The following KIF1A variants were observed in gnomAD, a reference collection of about 807,000 sequenced individuals.
The protein encoded by KIF1A is kinesin family member 1A, also known as kinesin-like protein KIF1A.
A neutral mutation model predicts 227.3 loss-of-function variants in KIF1A; 46 were observed. That is an observed-to-expected ratio of 0.20 (90% CI 0.16 to 0.26). The LOEUF (loss-of-function observed/expected upper bound fraction) is 0.26, where lower values mean the gene tolerates loss of function less well. KIF1A is among the 10% of genes least tolerant of loss of function. The pLI is 1.00. For missense variants in KIF1A, 1,683 were observed against 2,485.9 expected, an observed-to-expected ratio of 0.68 and a Z score of 6.87; for synonymous variants, 1,022 against 1,012.8, an observed-to-expected ratio of 1.01 and a Z score of -0.17.
Position 240,758,386 on chromosome 2 carries a change from G to A in KIF1A, c.2556C>T (p.Arg852=), listed in dbSNP as rs1392771616. 6.2e-7 allele frequency: 1 copy of A among 1,612,680 alleles called. No individual in the cohort carries two copies. The highest frequency in any genetic ancestry group is 2.2e-5 in the East Asian group (1 of 44,826). Residue 852 remains arginine (R), a synonymous_variant, in exon 26 of 49, where the codon CGC becomes CGT. Coordinates refer to ENST00000498729, the MANE Select transcript of KIF1A (RefSeq NM_001244008.2). This position sits in a 1 kb window ranked among gnomAD's most constrained non-coding sequence, Gnocchi z 5.2. ...TGCCCACCAGCCGGAACCAGGGGAAGCGGTCATAGAAGGGGTCTCCGCCGG... is the reference window on the plus strand; with the variant it reads ...TGCCCACCAGCCGGAACCAGGGGAAACGGTCATAGAAGGGGTCTCCGCCGG... ...VVTGGDPFYD[R]FPWFRLVGSS...
intron 28 of KIF1A, among the ~76,000 whole-genome samples, chr2:240,750,049 G>A (rs1268710076): frequency 1.3e-5 from 2 of 152,252 alleles, no homozygotes; most frequent in East Asian, 3.8e-4. Flanking sequence ...GATCCAGGTG[G>A]TCTTGGGTCC....
At chr2:240,807,110 GTGTGTGTGTGTGTGTGTGTGTATA>G (rs1350434367) in intron 1 of KIF1A, among the ~76,000 whole-genome samples, 1 of 95,302 alleles carries the variant, frequency 1.0e-5, no homozygotes, top group African/African-American at 4.4e-5. Context: ...GTGTGTGTGT[GTGTGTGTGTGTGTGTGTGTGTATA>G]TATATATATA....
intron 28 of KIF1A, 91 bp from the exon 29 acceptor site, chr2:240,747,412 G>T: frequency 2.1e-6 from 2 of 948,524 alleles, no homozygotes; most frequent in Non-Finnish European, 3.3e-6. Context: ...CGCAGTCAAA[G>T]TGAGGGCACA....
chr2:240,792,643 G>A lies in KIF1A; in HGVS notation c.107-3331C>T, dbSNP rs564463211. ...GCCTTGAGCACCAGGTGTGAGGGCC[G>A]AGCTGAGCTGGCTCTTCCCAACGGA... On this transcript the variant is annotated intron_variant, in intron 2 of 48. Coordinates refer to ENST00000498729, the MANE Select transcript of KIF1A (RefSeq NM_001244008.2). This position sits in a 1 kb window ranked among gnomAD's most constrained non-coding sequence, Gnocchi z 4.5. Among the ~76,000 whole-genome samples, 14 of 152,290 alleles carry A rather than the reference G, an allele frequency of 9.2e-5. No individual in the cohort carries two copies. The highest frequency in any genetic ancestry group is 3.9e-4 in the East Asian group (2 of 5,174).
chr2:240,801,441 A>G, intron 1 of KIF1A, among the ~76,000 whole-genome samples: 1 of 152,266 alleles, frequency 6.6e-6, no homozygotes, highest in Non-Finnish European at 1.5e-5. Flanking sequence ...TAGAAAATTT[A>G]AAACAGATAA....
In KIF1A at chr2:240,730,292, ACCACTGATGGGTGC is replaced by A. The variant is rs568662059; in HGVS notation, c.4008-3366_4008-3353del. Among the ~76,000 whole-genome samples the A allele has an allele frequency of 5.6e-4, 86 of 152,312 alleles. 1 individual carries two copies. The highest frequency in any genetic ancestry group is 1.9e-3 in the African/African-American group (81 of 41,572). On this transcript the variant is annotated intron_variant, in intron 38 of 48. Coordinates refer to ENST00000498729, the MANE Select transcript of KIF1A (RefSeq NM_001244008.2). The stretch of plus-strand genomic sequence containing the variant: ...CGGGCTTGCAGGGCACAGCATGGGA[ACCACTGATGGGTGC>A]CCTGTGATCATACAGCAGGAAACCA...
intron 27 of KIF1A, among the ~76,000 whole-genome samples, chr2:240,754,488 C>T (rs1372525290): frequency 1.3e-5 from 2 of 152,238 alleles, no homozygotes; most frequent in Admixed American, 6.5e-5. Flanking sequence ...GAGCTGGGCC[C>T]GGAAGGTGCC....
In KIF1A at chr2:240,757,018, T is replaced by TTAGG. The variant is rs1367915061; in HGVS notation, c.2858+300_2858+301insCCTA. On this transcript the variant is annotated intron_variant, in intron 27 of 48. Coordinates refer to ENST00000498729, the MANE Select transcript of KIF1A (RefSeq NM_001244008.2). The surrounding 1 kb of genome is among the most constrained non-coding windows in gnomAD (Gnocchi z 6.2). ...TCCTACGGCCTCTCTGCAGAAATAG[T>TTAGG]CCCACCTGCCTGGGGCCACAGCTGC... Among the ~76,000 whole-genome samples the TTAGG allele has an allele frequency of 6.6e-6, 1 of 152,160 alleles. No homozygotes were observed. The highest frequency in any genetic ancestry group is 1.5e-5 in the Non-Finnish European group (1 of 68,022).
chr2:240,742,071 A>G (rs1470054090), intron 34 of KIF1A, among the ~76,000 whole-genome samples: 1 of 152,194 alleles, frequency 6.6e-6, no homozygotes, highest in African/African-American at 2.4e-5. Flanking sequence ...GCGGGCCACA[A>G]AGCCTGTACA....
intron 10 of KIF1A, among the ~76,000 whole-genome samples, 195 bp downstream of exon 10, chr2:240,782,395 C>T (rs1214891268): frequency 6.6e-6 from 1 of 152,210 alleles, no homozygotes; most frequent in Non-Finnish European, 1.5e-5. Context: ...CCCCGGACGC[C>T]CTCCGTCCCC....
At chr2:240,767,972 G>A (rs1238178574) in intron 17 of KIF1A, among the ~76,000 whole-genome samples, 1 of 152,178 alleles carries the variant, frequency 6.6e-6, no homozygotes, top group Non-Finnish European at 1.5e-5. Flanking sequence ...GGACGAAGGG[G>A]ACAGACCATC....
chr2:240,797,103 G>A (rs1278411672), intron 2 of KIF1A, among the ~76,000 whole-genome samples: 6 of 152,320 alleles, frequency 3.9e-5, no homozygotes, highest in East Asian at 1.9e-4. Context: ...AAACTGCCCC[G>A]CTGAGCCCAG....
chr2:240,747,107 G>C lies in KIF1A; in HGVS notation c.3063+129C>G. The C allele has an allele frequency of 7.8e-6, 5 of 644,906 alleles. No individual in the cohort carries two copies. In the South Asian group the frequency reaches 9.4e-5, roughly 12 times the overall value. 39.9% of individuals were successfully genotyped at this position (644,906 alleles called of 1,614,324 possible). Reference sequence around the variant, plus strand: ...GGGGCAGGCTCAGTGCTCTGGACCAGAGGGAAGAACCCCAAGAGGACTCAG... The same window carrying C: ...GGGGCAGGCTCAGTGCTCTGGACCACAGGGAAGAACCCCAAGAGGACTCAG... On this transcript the variant is annotated intron_variant, in intron 29 of 48. Transcript: ENST00000498729.
At chr2:240,718,635 G>A (rs533675119) in intron 47 of KIF1A, among the ~76,000 whole-genome samples, 4 of 152,382 alleles carry the variant, frequency 2.6e-5, no homozygotes, top group East Asian at 3.9e-4. Context: ...CAGAGTGGGG[G>A]CAGGAGGGCT....
chr2:240,813,369 C>T (rs2126249494), intron 1 of KIF1A, among the ~76,000 whole-genome samples: 1 of 152,304 alleles, frequency 6.6e-6, no homozygotes, highest in South Asian at 2.1e-4. Context: ...CTGAGTGCCG[C>T]TTGCAGAGGG....
Position 240,773,165 on chromosome 2 carries a change from T to A in KIF1A, c.1129A>T (p.Thr377Ser). ...GCGTACAGAAGGTCCCGCAGCCGGG[T>A]CACCTCATCCTTCAGCTCGCGGATC... Reference protein sequence around the residue: ...KLIRELKDEVTRLRDLLYAQG... With the variant: ...KLIRELKDEVSRLRDLLYAQG... Residue 377 changes from threonine (T) to serine (S), a missense_variant, in exon 13 of 49, where the codon ACC becomes TCC. Thr to Ser is a moderately conservative substitution (Grantham distance 58). Coordinates refer to ENST00000498729, the MANE Select transcript of KIF1A (RefSeq NM_001244008.2). 6.2e-7 allele frequency: 1 copy of A among 1,613,922 alleles called. No individual in the cohort carries two copies. The highest frequency in any genetic ancestry group is 8.5e-7 in the Non-Finnish European group (1 of 1,179,830).
chr2:240,756,609 G>A (rs1302633933), intron 27 of KIF1A, among the ~76,000 whole-genome samples: 3 of 152,242 alleles, frequency 2.0e-5, no homozygotes, highest in Non-Finnish European at 2.9e-5. Context: ...CATGACAACC[G>A]AGGAGGTCAG....
intron 1 of KIF1A, among the ~76,000 whole-genome samples, chr2:240,800,934 T>G (rs1339532336): frequency 6.6e-6 from 1 of 152,206 alleles, no homozygotes; most frequent in African/African-American, 2.4e-5. Flanking sequence ...TCGCTTGGTT[T>G]AATTCGGACT....
intron 48 of KIF1A, 32 bp downstream of exon 48, chr2:240,718,018 T>C (rs773864427): frequency 2.1e-6 from 3 of 1,447,380 alleles, no homozygotes; most frequent in South Asian, 1.2e-5. Context: ...AGGACCCCCA[T>C]GGCAGCAACC....
Sources: gnomAD v4.1 joint callset for allele counts (sites outside exome capture counted in the v4.1 genomes callset) on GRCh38, gnomAD v4.1.1 for gene constraint, Gnocchi (gnomAD v3.1) non-coding constraint, MANE v1.5 for transcripts, NCBI Gene and HGNC (gene_info 2026-07-23, HGNC 2026-07-21) for gene names.